Variants in B2M observed in about 807,000 individuals in gnomAD.
B2M encodes beta chain of MHC class I molecules.
B2M carries 3 observed loss-of-function variants against 14.5 expected under a neutral mutation model. That is an observed-to-expected ratio of 0.21 (90% CI 0.09 to 0.53). B2M has a LOEUF of 0.53. Ranked by LOEUF, B2M falls within the 20% of genes least tolerant of loss-of-function variation. The pLI is 0.95. For missense variants in B2M, 107 were observed against 140.8 expected, an observed-to-expected ratio of 0.76 and a Z score of 1.21; for synonymous variants, 45 against 52.7, an observed-to-expected ratio of 0.85 and a Z score of 0.64.
At chr15:44,716,570 T>C (rs2086943923) in intron 3 of B2M, 1 of 600,676 alleles carries the variant, frequency 1.7e-6, no homozygotes. Flanking sequence ...ACTGACCCTC[T>C]ACAGAGAGGG....
chr15:44,716,505 C>A, intron 3 of B2M, 149 bp downstream of exon 3: 1 of 884,566 alleles, frequency 1.1e-6, no homozygotes, highest in South Asian at 1.5e-5. Flanking sequence ...GGTCATGTTC[C>A]CTTCTCCTGT....
rs762924942 is a variant in B2M at position 44,716,332 on chromosome 15, G to A, written c.350G>A (p.Arg117Gln). 8 of 1,612,328 alleles carry A rather than the reference G, an allele frequency of 5.0e-6. No homozygotes were observed. The highest frequency in any genetic ancestry group is 1.1e-5 in the South Asian group (1 of 91,042). The part of the protein sequence containing the change: ...LSQPKIVKWD[R>Q]DM Reference sequence around the variant, plus strand: ...TTCTCCACTGTCTTTTTCATAGATCGAGACATGTAAGCAGCATCATGGAGG... The same window carrying A: ...TTCTCCACTGTCTTTTTCATAGATCAAGACATGTAAGCAGCATCATGGAGG... Residue 117 changes from arginine (R) to glutamine (Q), a missense_variant, in exon 3 of 4, where the codon CGA becomes CAA. Coordinates refer to ENST00000648006, the MANE Select transcript of B2M (RefSeq NM_004048.4).
intron 2 of B2M, 55 bp from the exon 3 acceptor site, chr15:44,716,273 AT>A: frequency 6.4e-7 from 1 of 1,562,828 alleles, no homozygotes; most frequent in Non-Finnish European, 8.8e-7. Flanking sequence ...AGTACATGGT[AT>A]TTTAAAAGTA....
chr15:44,712,126 G>T, intron 1 of B2M: 1 of 265,746 alleles, frequency 3.8e-6, no homozygotes, highest in South Asian at 4.1e-5. Flanking sequence ...TGTGGACTTC[G>T]TCTAGGCGCC....
At chr15:44,712,037 A>G in intron 1 of B2M, 1 of 269,912 alleles carries the variant, frequency 3.7e-6, no homozygotes, top group Non-Finnish European at 7.3e-6. Context: ...GAACGCGTGG[A>G]GGGGCGCTTG....
At chr15:44,716,602 A>T in intron 3 of B2M, 1 of 555,416 alleles carries the variant, frequency 1.8e-6, no homozygotes. Flanking sequence ...CCAGTATGGT[A>T]TTGCAGGATA....
chr15:44,717,903 C>T lies in B2M; in HGVS notation c.*311C>T, dbSNP rs2086961831. The T allele has an allele frequency of 6.6e-6, 1 of 152,216 alleles. No homozygotes were observed. The highest frequency in any genetic ancestry group is 1.5e-5 in the Non-Finnish European group (1 of 68,054). 9.4% of individuals were successfully genotyped at this position (152,216 alleles called of 1,614,324 possible). On this transcript the variant is annotated 3_prime_UTR_variant, in exon 4 of 4. Coordinates refer to ENST00000648006, the MANE Select transcript of B2M (RefSeq NM_004048.4). ...GATTTGAACTCTTCAATCTCTTGCA[C>T]TCAAAGCTTGTTAAGATAGTTAAGC...
At position 44,717,904 on chromosome 15, in the gene B2M, TC is replaced by T. The variant is rs2086961858; in HGVS notation, c.*313del. The T allele has an allele frequency of 1.3e-5, 2 of 152,242 alleles. No homozygotes were observed. Among genetic ancestry groups the T allele is most frequent in the African/African-American group, 2.4e-5 (1 of 41,450 alleles). 9.4% of individuals were successfully genotyped at this position (152,242 alleles called of 1,614,324 possible). On this transcript the variant is annotated 3_prime_UTR_variant, in exon 4 of 4. Coordinates refer to ENST00000648006, the MANE Select transcript of B2M (RefSeq NM_004048.4). ...ATTTGAACTCTTCAATCTCTTGCAC[TC>T]AAAGCTTGTTAAGATAGTTAAGCGT...
intron 2 of B2M, chr15:44,715,902 C>G (rs2086935974): frequency 2.8e-6 from 2 of 714,102 alleles, no homozygotes; most frequent in Admixed American, 4.6e-5. Context: ...GATACTGATG[C>G]ACAGCATGGT....
At chr15:44,713,855 G>A (rs564980729) in intron 1 of B2M, 3 of 152,186 alleles carry the variant, frequency 2.0e-5, no homozygotes, top group East Asian at 3.8e-4. Flanking sequence ...ATGATAGGGT[G>A]TTTCTAGAGA....
chr15:44,715,670 G>A lies in B2M; in HGVS notation c.315G>A (p.Val105=). ...AGTATGCCTGCCGTGTGAACCATGTGACTTTGTCACAGCCCAAGATAGTTA... is the reference window on the plus strand; with the variant it reads ...AGTATGCCTGCCGTGTGAACCATGTAACTTTGTCACAGCCCAAGATAGTTA... The part of the protein sequence containing the change: ...KDEYACRVNH[V]TLSQPKIVKW... The change falls in exon 2 of 4, where the codon GTG becomes GTA. Residue 105 remains valine, a synonymous_variant. Coordinates refer to ENST00000648006, the MANE Select transcript of B2M (RefSeq NM_004048.4). 6.2e-7 allele frequency: 1 copy of A among 1,614,184 alleles called. No homozygotes were observed. Among genetic ancestry groups the A allele is most frequent in the Non-Finnish European group, 8.5e-7 (1 of 1,180,040 alleles).
At chr15:44,713,932 A>G (rs1023040731) in intron 1 of B2M, 1 of 152,196 alleles carries the variant, frequency 6.6e-6, no homozygotes, top group African/African-American at 2.4e-5. Context: ...AAGGAGGAGT[A>G]GCTGCCTTTT....
chr15:44,715,107 AG>A (rs1022759426), intron 1 of B2M: 1 of 443,688 alleles, frequency 2.3e-6, no homozygotes, highest in African/African-American at 2.0e-5. Context: ...AGTCCTTGAG[AG>A]CCTCCAGAGA....
chr15:44,715,565 G>T lies in B2M; in HGVS notation c.210G>T (p.Glu70Asp), dbSNP rs1258519454. 6.2e-7 allele frequency: 1 copy of T among 1,614,158 alleles called. No individual in the cohort carries two copies. The highest frequency in any genetic ancestry group is 1.1e-5 in the South Asian group (1 of 91,084). The change falls in exon 2 of 4, where the codon GAG becomes GAT. Residue 70 changes from glutamate to aspartate, a missense_variant. Coordinates refer to ENST00000648006, the MANE Select transcript of B2M (RefSeq NM_004048.4). ...ATGGAGAGAGAATTGAAAAAGTGGAGCATTCAGACTTGTCTTTCAGCAAGG... is the reference window on the plus strand; with the variant it reads ...ATGGAGAGAGAATTGAAAAAGTGGATCATTCAGACTTGTCTTTCAGCAAGG... ...LKNGERIEKVEHSDLSFSKDW... is the reference protein window; with the variant it reads ...LKNGERIEKVDHSDLSFSKDW...
At chr15:44,715,227 C>T in intron 1 of B2M, 196 bp from the exon 2 acceptor site, 1 of 656,200 alleles carries the variant, frequency 1.5e-6, no homozygotes, top group Non-Finnish European at 2.7e-6. Flanking sequence ...GGGAAAGATA[C>T]CAAGTCACGG....
chr15:44,712,491 G>A (rs2086888904), intron 1 of B2M, among the ~76,000 whole-genome samples: 1 of 152,232 alleles, frequency 6.6e-6, no homozygotes, highest in Admixed American at 6.5e-5. Flanking sequence ...AATCGAGATT[G>A]AAGTCAAGCC....
intron 1 of B2M, among the ~76,000 whole-genome samples, chr15:44,712,285 A>T (rs962179031): frequency 6.6e-6 from 1 of 152,200 alleles, no homozygotes; most frequent in Admixed American, 6.5e-5. Context: ...TGTCACTTTT[A>T]AAAAATTATA....
intron 1 of B2M, among the ~76,000 whole-genome samples, chr15:44,712,530 C>G (rs907219797): frequency 6.6e-6 from 1 of 152,194 alleles, no homozygotes; most frequent in Non-Finnish European, 1.5e-5. Context: ...GAGCGCATGC[C>G]TTTTGGCTGT....
At chr15:44,711,855 G>C in intron 1 of B2M, 2 of 626,336 alleles carry the variant, frequency 3.2e-6, no homozygotes, top group Non-Finnish European at 2.9e-6. Context: ...GGAGACCTTT[G>C]GCCTACGGCG....
Sources: allele counts gnomAD v4.1 joint callset (sites outside exome capture counted in the v4.1 genomes callset), GRCh38; gene constraint gnomAD v4.1.1; transcripts MANE v1.5; gene names NCBI Gene and HGNC (gene_info 2026-07-23, HGNC 2026-07-21).